SLC2A13: variants seen among roughly 807,000 people sequenced by gnomAD.
The protein encoded by SLC2A13 is proton myo-inositol cotransporter.
A neutral mutation model predicts 64.4 loss-of-function variants in SLC2A13; 32 were observed. That is an observed-to-expected ratio of 0.50 (90% CI 0.37 to 0.67). The LOEUF is 0.67. SLC2A13 is among the 30% of genes least tolerant of loss of function. The pLI is 0.00. For synonymous variants in SLC2A13, 338 were observed against 327.1 expected, an observed-to-expected ratio of 1.03 and a Z score of -0.36; for missense variants, 743 against 829.2, an observed-to-expected ratio of 0.90 and a Z score of 1.28.
chr12:39,824,485 C>A (rs1333626868), intron 7 of SLC2A13, among the ~76,000 whole-genome samples: 2 of 152,268 alleles, frequency 1.3e-5, no homozygotes, highest in East Asian at 3.9e-4. Flanking sequence ...CTTTCTTATA[C>A]CTGTGTTCAA....
rs78735584 is a variant in SLC2A13 at position 39,815,591 on chromosome 12, G to C, written c.1445+14512C>G. Among the ~76,000 whole-genome samples, 77 of 152,262 alleles carry C rather than the reference G, an allele frequency of 5.1e-4. No individual in the cohort carries two copies. The East Asian group carries it at 9.7e-3, about 19-fold the overall frequency. The stretch of plus-strand genomic sequence containing the variant: ...CAACTTTGCCCTTGAGAAGTTTCTA[G>C]TTTGGGGGACGGTAAGAGGCGAACG... On this transcript the variant is annotated intron_variant, in intron 7 of 9. Coordinates refer to ENST00000280871, the MANE Select transcript of SLC2A13 (RefSeq NM_052885.4).
chr12:39,871,451 G>A (rs1566888318), intron 5 of SLC2A13, among the ~76,000 whole-genome samples: 2 of 150,714 alleles, frequency 1.3e-5, no homozygotes, highest in African/African-American at 4.9e-5. Flanking sequence ...GTGAGTTTCT[G>A]AATCCAAAGT....
intron 1 of SLC2A13, among the ~76,000 whole-genome samples, chr12:40,060,844 A>T (rs1431757084): frequency 6.6e-6 from 1 of 152,202 alleles, no homozygotes; most frequent in East Asian, 1.9e-4. Context: ...AATGATAAAG[A>T]TGTAGAAAAT....
chr12:39,799,531 A>G (rs1941710041), intron 7 of SLC2A13, among the ~76,000 whole-genome samples: 1 of 152,156 alleles, frequency 6.6e-6, no homozygotes, highest in African/African-American at 2.4e-5. Context: ...GAACTGGCAG[A>G]GTAGAGTAAA....
intron 1 of SLC2A13, among the ~76,000 whole-genome samples, chr12:40,086,138 T>C (rs1191218631): frequency 6.6e-6 from 1 of 152,092 alleles, no homozygotes; most frequent in Non-Finnish European, 1.5e-5. Flanking sequence ...TGCCTGGCCC[T>C]CCCTGCTGCC....
chr12:39,943,222 G>A (rs1946071612), intron 4 of SLC2A13, among the ~76,000 whole-genome samples: 3 of 152,200 alleles, frequency 2.0e-5, no homozygotes, highest in Non-Finnish European at 4.4e-5. Context: ...CAGTCAGGAG[G>A]CATGGGGATC....
intron 6 of SLC2A13, among the ~76,000 whole-genome samples, chr12:39,856,690 C>A (rs890907287): frequency 1.3e-5 from 2 of 152,122 alleles, no homozygotes; most frequent in Non-Finnish European, 1.5e-5. Context: ...TTTAAATAAA[C>A]CACATTTGGT....
At chr12:39,896,413 T>C (rs1188361591) in intron 4 of SLC2A13, among the ~76,000 whole-genome samples, 3 of 136,072 alleles carry the variant, frequency 2.2e-5, no homozygotes, top group African/African-American at 3.0e-5. Context: ...TACATATATG[T>C]ATGTATATGT....
At position 39,873,903 on chromosome 12, in the gene SLC2A13, G is replaced by A. The variant is rs559053073; in HGVS notation, c.1035-1942C>T. Among the ~76,000 whole-genome samples the A allele has an allele frequency of 3.3e-5, 5 of 152,242 alleles. No homozygotes were observed. In the East Asian group the frequency reaches 7.7e-4, roughly 23 times the overall value. Reference sequence around the variant, plus strand: ...TAGCACCTCCGTGTCTTCTGTCCAGGTTAGGTAACATAATCACTTGTACAC... The same window carrying A: ...TAGCACCTCCGTGTCTTCTGTCCAGATTAGGTAACATAATCACTTGTACAC... On this transcript the variant is annotated intron_variant, in intron 4 of 9. Coordinates refer to ENST00000280871, the MANE Select transcript of SLC2A13 (RefSeq NM_052885.4).
chr12:39,938,890 C>G (rs1487742408), intron 4 of SLC2A13, among the ~76,000 whole-genome samples: 2 of 152,128 alleles, frequency 1.3e-5, no homozygotes, highest in Non-Finnish European at 2.9e-5. Flanking sequence ...TAGAATCTGA[C>G]AGTTTCTAGC....
chr12:39,937,256 T>C (rs1945933124), intron 4 of SLC2A13, among the ~76,000 whole-genome samples: 1 of 152,336 alleles, frequency 6.6e-6, no homozygotes, highest in East Asian at 1.9e-4. Flanking sequence ...TCACAGCATA[T>C]GCTTTTAAAG....
chr12:40,059,744 G>A (rs1048978555), intron 1 of SLC2A13, among the ~76,000 whole-genome samples: 2 of 151,938 alleles, frequency 1.3e-5, no homozygotes, highest in African/African-American at 2.4e-5. Context: ...AAATGTGATC[G>A]GACAAAAAGG....
intron 7 of SLC2A13, among the ~76,000 whole-genome samples, chr12:39,809,396 A>C (rs1464931482): frequency 6.6e-6 from 1 of 152,132 alleles, no homozygotes; most frequent in Non-Finnish European, 1.5e-5. Flanking sequence ...TTGCATTTCT[A>C]TATAAATTTC....
rs1940010757 is a variant in SLC2A13, at chr12:39,757,916, A to C, written c.*2110T>G. ...CAATTATTTTGATTAAGTCCAAAAA[A>C]TAAATTTTTAGAGAGCACTTTATTG... On this transcript the variant is annotated 3_prime_UTR_variant, in exon 10 of 10. Coordinates refer to ENST00000280871, the MANE Select transcript of SLC2A13 (RefSeq NM_052885.4). 1 of 152,268 alleles carries C rather than the reference A, an allele frequency of 6.6e-6. No individual in the cohort carries two copies. Among genetic ancestry groups the C allele is most frequent in the Non-Finnish European group, 1.5e-5 (1 of 67,708 alleles). 9.4% of individuals were successfully genotyped at this position (152,268 alleles called of 1,614,324 possible). A position where few individuals can be genotyped will look rare whatever the true frequency, so the allele number is the denominator to read the frequency against.
At chr12:39,951,023 T>C in intron 4 of SLC2A13, 1 of 419,466 alleles carries the variant, frequency 2.4e-6, no homozygotes, top group African/African-American at 2.0e-5. Context: ...AAAAGAGAAA[T>C]TTTATGGAAT....
At chr12:39,761,629 G>C (rs1940150610) in intron 9 of SLC2A13, among the ~76,000 whole-genome samples, 1 of 7,966 alleles carries the variant, frequency 1.3e-4, no homozygotes, top group Admixed American at 1.7e-3. Context: ...GGGGAATTTT[G>C]ACAAAAAAAA....
chr12:40,040,967 T>TATA (rs1157010403), intron 2 of SLC2A13, among the ~76,000 whole-genome samples: 7 of 151,674 alleles, frequency 4.6e-5, no homozygotes, highest in Non-Finnish European at 4.4e-5. Flanking sequence ...TTATTATTAT[T>TATA]ATTTGAGATG....
rs1463906636 is a variant in SLC2A13, at chr12:40,028,600, ATACT to A, written c.717-95_717-92del. 11 of 1,228,706 alleles carry A rather than the reference ATACT, an allele frequency of 9.0e-6. No individual in the cohort carries two copies. In the African/African-American group the frequency reaches 9.2e-5, roughly 10 times the overall value. 76.1% of individuals were successfully genotyped at this position (1,228,706 alleles called of 1,614,324 possible). A position where few individuals can be genotyped will look rare whatever the true frequency, so the allele number is the denominator to read the frequency against. ...CTTTTGTGTTGTGTTGACAACAATA[ATACT>A]TACTGTGAAGTTAGCCAGAATTATT... On this transcript the variant is annotated intron_variant, in intron 2 of 9. Coordinates refer to ENST00000280871, the MANE Select transcript of SLC2A13 (RefSeq NM_052885.4).
At chr12:39,929,527 G>C (rs1289912758) in intron 4 of SLC2A13, among the ~76,000 whole-genome samples, 1 of 151,778 alleles carries the variant, frequency 6.6e-6, no homozygotes, top group Non-Finnish European at 1.5e-5. Flanking sequence ...CTCCAGCCTG[G>C]GCGACAGAGT....
Sources: gnomAD v4.1 joint callset for allele counts (sites outside exome capture counted in the v4.1 genomes callset) on GRCh38, gnomAD v4.1.1 for gene constraint, MANE v1.5 for transcripts, NCBI Gene and HGNC (gene_info 2026-07-23, HGNC 2026-07-21) for gene names.